Variants in TBC1D2 observed in about 807,000 individuals in gnomAD.
The protein encoded by TBC1D2 is TBC1 domain family member 2.
Under a neutral mutation model 91.1 loss-of-function variants are expected in TBC1D2, and 58 were observed. The ratio of observed to expected loss-of-function variants is 0.64; its 90% confidence interval spans 0.52 to 0.79. The LOEUF is 0.79. Ranked by LOEUF, TBC1D2 falls within the 30% of genes least tolerant of loss-of-function variation. The pLI is 0.00. For synonymous variants in TBC1D2, 482 were observed against 511.5 expected (o/e 0.94, Z 0.78); for missense variants, 1,080 against 1,208.3 (o/e 0.89, Z 1.57).
chr9:98,248,559 G>C (rs1382232703), intron 2 of TBC1D2, among the ~76,000 whole-genome samples: 2 of 152,240 alleles, frequency 1.3e-5, no homozygotes, highest in Non-Finnish European at 2.9e-5. Context: ...TGGGAGGGCA[G>C]GTTATGAGTC....
intron 9 of TBC1D2, among the ~76,000 whole-genome samples, chr9:98,207,527 C>G (rs903890333): frequency 2.6e-5 from 4 of 152,116 alleles, no homozygotes; most frequent in African/African-American, 9.7e-5. Context: ...CGTCCCCTAC[C>G]AATTGGACCA....
At chr9:98,252,731 G>A (rs1829897603) in intron 1 of TBC1D2, among the ~76,000 whole-genome samples, 1 of 152,200 alleles carries the variant, frequency 6.6e-6, no homozygotes, top group Non-Finnish European at 1.5e-5. Flanking sequence ...GAGATTAGTG[G>A]CTTCATAAAG....
intron 2 of TBC1D2, among the ~76,000 whole-genome samples, chr9:98,250,362 G>A (rs1406719382): frequency 3.9e-5 from 6 of 152,166 alleles, no homozygotes. Context: ...AGCTCACTCA[G>A]GCTGCAGAGA....
At position 98,228,873 on chromosome 9, in the gene TBC1D2, C is replaced by T. The variant is rs1185243047; in HGVS notation, c.978+79G>A. ...CTGGTGCCCAGCACGGCTAATGCGT[C>T]CCATCTAGCTTATCCGAAAGGCTCC... On this transcript the variant is annotated intron_variant, in intron 5 of 12. Coordinates refer to ENST00000465784, the MANE Select transcript of TBC1D2 (RefSeq NM_001267571.2). The surrounding 1 kb of genome is among the most constrained non-coding windows in gnomAD (Gnocchi z 4.0). 7.2e-7 allele frequency: 1 copy of T among 1,394,936 alleles called. No individual in the cohort carries two copies. Among genetic ancestry groups the T allele is most frequent in the East Asian group, 2.3e-5 (1 of 43,524 alleles). 86.4% of individuals were successfully genotyped at this position (1,394,936 alleles called of 1,614,324 possible).
chr9:98,218,345 T>C (rs1829017903), intron 6 of TBC1D2, among the ~76,000 whole-genome samples: 1 of 151,924 alleles, frequency 6.6e-6, no homozygotes, highest in African/African-American at 2.4e-5. Flanking sequence ...GGCAGGCAGA[T>C]CACGCGGTCA....
chr9:98,216,620 C>T (rs554992524), intron 6 of TBC1D2, among the ~76,000 whole-genome samples: 109 of 152,374 alleles, frequency 7.2e-4, no homozygotes, highest in African/African-American at 2.5e-3. Context: ...CTGGCCACTG[C>T]TCCACACCAC....
intron 3 of TBC1D2, among the ~76,000 whole-genome samples, chr9:98,242,441 CA>C (rs961264421): frequency 0.026 from 1,954 of 76,374 alleles, 32 homozygotes; most frequent in African/African-American, 0.077. Flanking sequence ...ACTCCATCTC[CA>C]AAAAAAAAAA....
chr9:98,230,690 T>C (rs980678959), intron 4 of TBC1D2, among the ~76,000 whole-genome samples: 21 of 152,118 alleles, frequency 1.4e-4, no homozygotes, highest in African/African-American at 4.8e-4. Flanking sequence ...CCTAGGACTT[T>C]GGGAGGCTGA....
Position 98,255,196 on chromosome 9 carries a change from G to A in TBC1D2, c.346C>T (p.Pro116Ser). The change falls in exon 1 of 13, where the codon CCC becomes TCC. Residue 116 changes from proline (P) to serine (S), a missense_variant. Coordinates refer to ENST00000465784, the MANE Select transcript of TBC1D2 (RefSeq NM_001267571.2). ...ACCTTCAGGGTAATAACCCGGCTGG[G>A]AGTCTTGATTTCGAAGATCCCCTCC... ...AEEGIFEIKT[P>S]SRVITLKAAT... is the part of the protein sequence containing the mutation. 6.2e-7 allele frequency: 1 copy of A among 1,609,812 alleles called. No homozygotes were observed. Among genetic ancestry groups the A allele is most frequent in the Non-Finnish European group, 8.5e-7 (1 of 1,176,716 alleles).
chr9:98,243,069 G>C (rs10818658), intron 3 of TBC1D2, among the ~76,000 whole-genome samples: 36,651 of 151,440 alleles, frequency 0.24, 4,649 homozygotes, highest in Non-Finnish European at 0.28. Context: ...CATGAACCAC[G>C]ACGCCTGGTC....
chr9:98,210,864 G>T (rs1236821023), intron 7 of TBC1D2, 21 bp from the exon 8 acceptor site: 2 of 1,546,198 alleles, frequency 1.3e-6, no homozygotes, highest in Admixed American at 4.0e-5. Context: ...GGAAAGGCTG[G>T]TCAGGCTACC....
At chr9:98,227,623 C>CA (rs938855529) in intron 5 of TBC1D2, among the ~76,000 whole-genome samples, 31 of 150,068 alleles carry the variant, frequency 2.1e-4, no homozygotes, top group African/African-American at 6.1e-4. Flanking sequence ...AACCAAAAAA[C>CA]AAAAAAAAAT....
intron 2 of TBC1D2, 46 bp from the exon 3 acceptor site, chr9:98,244,175 T>C (rs1449871229): frequency 1.1e-5 from 18 of 1,606,926 alleles, no homozygotes; most frequent in Admixed American, 1.7e-5. Flanking sequence ...TCACTGCACT[T>C]GGAAAGACAG....
Position 98,199,390 on chromosome 9 carries a change from C to T in TBC1D2, c.2778G>A (p.Gly926=). ...AGGGGAGGTGGCCAAGTCAGGCTTC[C>T]CCCTCCACCTCGTCCTCGCTGGCAC... is the stretch of plus-strand genomic sequence containing the variant. ...EGCASEDEVE[G]EA is the part of the protein sequence containing the mutation. The change falls in exon 13 of 13, where the codon GGG becomes GGA. Residue 926 remains glycine, a synonymous_variant. Coordinates refer to ENST00000465784, the MANE Select transcript of TBC1D2 (RefSeq NM_001267571.2). The T allele has an allele frequency of 2.5e-6, 4 of 1,612,924 alleles. No individual in the cohort carries two copies. The highest frequency in any genetic ancestry group is 3.4e-6 in the Non-Finnish European group (4 of 1,179,938).
At chr9:98,251,582 C>T (rs1045591072) in intron 2 of TBC1D2, among the ~76,000 whole-genome samples, 1 of 152,210 alleles carries the variant, frequency 6.6e-6, no homozygotes, top group Non-Finnish European at 1.5e-5. Flanking sequence ...GGTTAAACAA[C>T]TTGCCTAAAG....
Position 98,221,145 on chromosome 9 carries a change from C to T in TBC1D2, c.1062G>A (p.Glu354=). 6.3e-7 allele frequency: 1 copy of T among 1,580,602 alleles called. No individual in the cohort carries two copies. The highest frequency in any genetic ancestry group is 8.6e-7 in the Non-Finnish European group (1 of 1,163,664). ...RASSAYLAAA[E]DKDRLELVRH... is the part of the protein sequence containing the mutation. Reference sequence around the variant, plus strand: ...GCACCAGCTCCAGCCGGTCCTTGTCCTCAGCCGCCGCCAGGTATGCGCTGG... The same window carrying T: ...GCACCAGCTCCAGCCGGTCCTTGTCTTCAGCCGCCGCCAGGTATGCGCTGG... Residue 354 remains glutamate, a synonymous_variant, in exon 6 of 13, where the codon GAG becomes GAA. Transcript: ENST00000465784.
intron 3 of TBC1D2, among the ~76,000 whole-genome samples, chr9:98,238,096 ATTTTACCATGTTAGCTAGGCT>A (rs1829553925): frequency 1.5e-5 from 2 of 134,756 alleles, no homozygotes; most frequent in Non-Finnish European, 3.0e-5. Flanking sequence ...TAGAGACGGG[ATTTTACCATGTTAGCTAGGCT>A]GGTCTTGAAC....
chr9:98,214,954 G>C (rs933638592), intron 6 of TBC1D2, among the ~76,000 whole-genome samples: 5 of 152,206 alleles, frequency 3.3e-5, no homozygotes, highest in African/African-American at 1.2e-4. Flanking sequence ...GCTGTGCCAA[G>C]GCTGAAAGGC....
chr9:98,230,247 GA>G (rs11350473), intron 4 of TBC1D2, among the ~76,000 whole-genome samples: 36,722 of 152,116 alleles, frequency 0.24, 4,658 homozygotes, highest in Non-Finnish European at 0.28. Context: ...CTTCTTATAA[GA>G]AAATATGTTT....
Sources: gnomAD v4.1 joint callset for allele counts (sites outside exome capture counted in the v4.1 genomes callset) on GRCh38, gnomAD v4.1.1 for gene constraint, Gnocchi (gnomAD v3.1) non-coding constraint, MANE v1.5 for transcripts, NCBI Gene and HGNC (gene_info 2026-07-23, HGNC 2026-07-21) for gene names.